The following EPS15L1 variants were observed in gnomAD, a reference collection of about 807,000 sequenced individuals.
The protein encoded by EPS15L1 is epidermal growth factor receptor pathway substrate 15 like 1, also known as epidermal growth factor receptor substrate 15-like 1.
In EPS15L1, 43 loss-of-function variants were observed where a neutral mutation model predicts 117.1. The ratio of observed to expected loss-of-function variants is 0.37; its 90% CI spans 0.29 to 0.47. The LOEUF (loss-of-function observed/expected upper bound fraction) is 0.47. EPS15L1 is among the 20% of genes least tolerant of loss of function. The pLI, the probability that EPS15L1 is intolerant of heterozygous loss-of-function variation, is 0.99. For missense variants in EPS15L1, 981 were observed against 1,164.0 expected, an observed-to-expected ratio of 0.84 and a Z score of 2.29; for synonymous variants, 459 against 470.5, an observed-to-expected ratio of 0.98 and a Z score of 0.32.
chr19:16,452,542 G>T (rs1456250932), intron 1 of EPS15L1, among the ~76,000 whole-genome samples: 1 of 151,090 alleles, frequency 6.6e-6, no homozygotes, highest in Non-Finnish European at 1.5e-5. Flanking sequence ...ATTGCCTGAG[G>T]CCAGGAATTC....
chr19:16,386,452 T>C (rs977863827), intron 19 of EPS15L1, among the ~76,000 whole-genome samples: 1 of 152,056 alleles, frequency 6.6e-6, no homozygotes, highest in Non-Finnish European at 1.5e-5. Context: ...AAATTACAAA[T>C]ACAAAAAGCA....
chr19:16,414,373 T>C (rs1460217445), intron 12 of EPS15L1, among the ~76,000 whole-genome samples: 1 of 151,628 alleles, frequency 6.6e-6, no homozygotes, highest in Non-Finnish European at 1.5e-5. Context: ...TGTGACACCC[T>C]GGACAGCCCA....
intron 6 of EPS15L1, 70 bp downstream of exon 6, chr19:16,436,867 T>C: frequency 5.5e-6 from 7 of 1,270,228 alleles, no homozygotes; most frequent in Non-Finnish European, 8.0e-6. Flanking sequence ...TCCAGAACAA[T>C]TCTAGAACAA....
intron 1 of EPS15L1, 48 bp from the exon 2 acceptor site, chr19:16,442,267 G>T: frequency 6.4e-7 from 1 of 1,556,750 alleles, no homozygotes; most frequent in African/African-American, 1.4e-5. Context: ...ACAACCCCTT[G>T]GGGAAAAAAA....
Position 16,442,214 on chromosome 19 carries a change from G to A in EPS15L1, c.39C>T (p.Pro13=), listed in dbSNP as rs2093038853. 6.2e-7 allele frequency: 1 copy of A among 1,613,240 alleles called. No individual in the cohort carries two copies. The highest frequency in any genetic ancestry group is 8.5e-7 in the Non-Finnish European group (1 of 1,179,404). The stretch of plus-strand genomic sequence containing the variant: ...AAGATTCATACAACGAATTTCCAGT[G>A]GGAATCTGTAAATGAAACCACAGAT... The part of the protein sequence containing the change: ...APLIPLSQQI[P]TGNSLYESYY... Residue 13 remains proline, a synonymous_variant, in exon 2 of 24, where the codon CCC becomes CCT. Coordinates refer to ENST00000455140, the MANE Select transcript of EPS15L1 (RefSeq NM_001258374.3).
chr19:16,413,838 A>G lies in EPS15L1; in HGVS notation c.1201T>C (p.Tyr401His). Residue 401 changes from tyrosine (Y) to histidine (H), a missense_variant, in exon 13 of 24, where the codon TAT becomes CAT. Tyr to His is a moderately conservative substitution (Grantham distance 83). Coordinates refer to ENST00000455140, the MANE Select transcript of EPS15L1 (RefSeq NM_001258374.3). ...QEIAQLQREK[Y>H]SLEQDIREKE... Reference sequence around the variant, plus strand: ...TCTCGAATGTCTTGTTCCAGTGAATATTTCTCTCTGAATGTTTAAAAATAT... The same window carrying G: ...TCTCGAATGTCTTGTTCCAGTGAATGTTTCTCTCTGAATGTTTAAAAATAT... 4 of 1,612,020 alleles carry G rather than the reference A, an allele frequency of 2.5e-6. No homozygotes were observed. The highest frequency in any genetic ancestry group is 2.5e-6 in the Non-Finnish European group (3 of 1,178,078).
At chr19:16,400,363 A>C (rs1318547880) in intron 16 of EPS15L1, among the ~76,000 whole-genome samples, 12 of 151,970 alleles carry the variant, frequency 7.9e-5, no homozygotes, top group Non-Finnish European at 1.2e-4. Context: ...AAACAAAAAA[A>C]AAAAAAAACC....
At chr19:16,376,305 C>G (rs1054370666) in intron 22 of EPS15L1, among the ~76,000 whole-genome samples, 2 of 152,214 alleles carry the variant, frequency 1.3e-5, no homozygotes, top group Non-Finnish European at 2.9e-5. Context: ...CAGGGAGCTG[C>G]AGTGACTCCT....
intron 15 of EPS15L1, among the ~76,000 whole-genome samples, 172 bp from the exon 16 acceptor site, chr19:16,402,657 T>G (rs1278744261): frequency 1.3e-5 from 2 of 151,894 alleles, no homozygotes; most frequent in Non-Finnish European, 2.9e-5. Flanking sequence ...TCCTCCTGCC[T>G]CAGCCTCCTG....
intron 1 of EPS15L1, among the ~76,000 whole-genome samples, chr19:16,452,669 T>C (rs1434866737): frequency 1.4e-5 from 2 of 147,518 alleles, no homozygotes; most frequent in Non-Finnish European, 3.0e-5. Context: ...ACTAAAAATA[T>C]ACGTAGGTGG....
chr19:16,456,407 A>G (rs2145154315), intron 1 of EPS15L1, among the ~76,000 whole-genome samples: 1 of 151,382 alleles, frequency 6.6e-6, no homozygotes, highest in Non-Finnish European at 1.5e-5. Context: ...CTGTAATCTC[A>G]GCACTTTGGG....
At chr19:16,391,067 T>C (rs895506873) in intron 19 of EPS15L1, among the ~76,000 whole-genome samples, 5 of 152,104 alleles carry the variant, frequency 3.3e-5, no homozygotes. Flanking sequence ...GATAAAACTA[T>C]TGTAAAGTCA....
At chr19:16,425,379 G>A in intron 8 of EPS15L1, 63 bp from the exon 9 acceptor site, 1 of 1,166,746 alleles carries the variant, frequency 8.6e-7, no homozygotes, top group South Asian at 1.3e-5. Flanking sequence ...ATCAGGAGAA[G>A]GCAGAGGGCA....
Position 16,382,622 on chromosome 19 carries a change from C to CT in EPS15L1, c.2247+2506dup, listed in dbSNP as rs755907271. Among the ~76,000 whole-genome samples, 503 of 141,010 alleles carry CT rather than the reference C, an allele frequency of 3.6e-3. 2 individuals carry two copies. The highest frequency in any genetic ancestry group is 8.2e-3 in the African/African-American group (315 of 38,568). The allele number at this position is 141,010 out of a possible 152,430, so 92.5% of individuals were successfully genotyped here. A position where few individuals can be genotyped will look rare whatever the true frequency, so the allele number is the denominator to read the frequency against. ...GACTAACCCAGTATTTCACAGATGG[C>CT]TTTTTTTTTTTTTCAGGGCAGAAGA... On this transcript the variant is annotated intron_variant, in intron 21 of 23. Coordinates refer to ENST00000455140, the MANE Select transcript of EPS15L1 (RefSeq NM_001258374.3).
At chr19:16,423,631 A>G (rs2092839022) in intron 9 of EPS15L1, among the ~76,000 whole-genome samples, 1 of 152,218 alleles carries the variant, frequency 6.6e-6, no homozygotes, top group South Asian at 2.1e-4. Flanking sequence ...TCAGATGGCA[A>G]GAGCAACCTG....
At chr19:16,446,809 C>T (rs762304014) in intron 1 of EPS15L1, among the ~76,000 whole-genome samples, 17 of 152,182 alleles carry the variant, frequency 1.1e-4, no homozygotes, top group Admixed American at 4.6e-4. Context: ...GGTCAAAAGG[C>T]AACACTCAAT....
At chr19:16,380,481 T>C (rs1425626105) in intron 21 of EPS15L1, among the ~76,000 whole-genome samples, 1 of 151,528 alleles carries the variant, frequency 6.6e-6, no homozygotes, top group Non-Finnish European at 1.5e-5. Context: ...CACACAGACA[T>C]GGCCCTCTAA....
chr19:16,392,954 G>C (rs543147097), intron 18 of EPS15L1, among the ~76,000 whole-genome samples: 23 of 151,758 alleles, frequency 1.5e-4, no homozygotes, highest in Middle Eastern at 3.4e-3. Flanking sequence ...AGGCAGAAAG[G>C]CTGCTTGAGC....
intron 22 of EPS15L1, among the ~76,000 whole-genome samples, chr19:16,372,557 T>C (rs560704278): frequency 6.6e-6 from 1 of 152,322 alleles, no homozygotes; most frequent in Non-Finnish European, 1.5e-5. Context: ...TCCACTAAAC[T>C]GTGACCTCAC....
Sources: gnomAD v4.1 joint callset for allele counts (sites outside exome capture counted in the v4.1 genomes callset) on GRCh38, gnomAD v4.1.1 for gene constraint, MANE v1.5 for transcripts, NCBI Gene and HGNC (gene_info 2026-07-23, HGNC 2026-07-21) for gene names.